The following ARHGAP10 variants were observed in gnomAD, a reference collection of about 807,000 sequenced individuals.
ARHGAP10 encodes the protein rho GTPase-activating protein 10.
In ARHGAP10, 87 loss-of-function variants were observed where a neutral mutation model predicts 108.6. The observed-to-expected ratio is 0.80, with a 90% confidence interval of 0.67 to 0.96. ARHGAP10 has a LOEUF of 0.96. Among genes scored for constraint, ARHGAP10 ranks in the 40% least tolerant of loss-of-function variants. ARHGAP10 has a pLI of 0.00. For synonymous variants in ARHGAP10, 347 were observed against 341.1 expected, an observed-to-expected ratio of 1.02 and a Z score of -0.19; for missense variants, 939 against 954.5, an observed-to-expected ratio of 0.98 and a Z score of 0.21.
At chr4:147,962,749 C>T (rs977031952) in intron 16 of ARHGAP10, among the ~76,000 whole-genome samples, 5 of 152,074 alleles carry the variant, frequency 3.3e-5, no homozygotes, top group Non-Finnish European at 5.9e-5. Flanking sequence ...CTGCAACCTC[C>T]GCCTCCTGGG....
rs141207224 is a variant in ARHGAP10 at position 147,822,921 on chromosome 4, T to G, written c.276T>G (p.Asn92Lys). Residue 92 changes from asparagine to lysine, a missense_variant, in exon 3 of 23, where the codon AAT becomes AAG. Asn to Lys is a moderately conservative substitution (Grantham distance 94). Coordinates refer to ENST00000336498, the MANE Select transcript of ARHGAP10 (RefSeq NM_024605.4). Reference sequence around the variant, plus strand: ...ATGCTTCCTTACGTGAATTTTCAAATTTTTTGAAGAATCTGGAGGAACAGA... The same window carrying G: ...ATGCTTCCTTACGTGAATTTTCAAAGTTTTTGAAGAATCTGGAGGAACAGA... ...CIDASLREFSNFLKNLEEQRE... is the reference protein window; with the variant it reads ...CIDASLREFSKFLKNLEEQRE... 6.2e-7 allele frequency: 1 copy of G among 1,613,996 alleles called. No homozygotes were observed.
chr4:148,009,540 A>G (rs1202186956), intron 18 of ARHGAP10, among the ~76,000 whole-genome samples: 5 of 152,218 alleles, frequency 3.3e-5, no homozygotes, highest in Admixed American at 3.3e-4. Context: ...TAATGTGTTA[A>G]CAATTTTAAA....
At chr4:148,055,426 C>T (rs768831690) in intron 20 of ARHGAP10, among the ~76,000 whole-genome samples, 15 of 152,206 alleles carry the variant, frequency 9.9e-5, no homozygotes, top group East Asian at 1.9e-4. Context: ...CGGTGGCATA[C>T]GCCTGTAATC....
intron 13 of ARHGAP10, chr4:147,916,690 C>T (rs1029589553): frequency 6.6e-6 from 1 of 152,118 alleles, no homozygotes; most frequent in African/African-American, 2.4e-5. Context: ...CGGGGTCCAT[C>T]GCTGATGTTA....
intron 19 of ARHGAP10, among the ~76,000 whole-genome samples, chr4:148,043,752 A>ATATG (rs1380143837): frequency 8.4e-5 from 12 of 142,666 alleles, no homozygotes; most frequent in East Asian, 2.0e-4. Context: ...ATATGTATAT[A>ATATG]TGTATATATA....
chr4:147,852,087 G>A (rs566608821), intron 4 of ARHGAP10, among the ~76,000 whole-genome samples: 44 of 152,254 alleles, frequency 2.9e-4, no homozygotes, highest in Non-Finnish European at 5.7e-4. Flanking sequence ...TTTGGGACCT[G>A]GTATCCATAG....
At chr4:147,815,525 A>T (rs1732206711) in intron 1 of ARHGAP10, among the ~76,000 whole-genome samples, 1 of 152,154 alleles carries the variant, frequency 6.6e-6, no homozygotes, top group Admixed American at 6.5e-5. Context: ...CATTGTAATC[A>T]CAGTGGTCCT....
intron 18 of ARHGAP10, among the ~76,000 whole-genome samples, chr4:147,969,933 C>A (rs1031970144): frequency 6.6e-6 from 1 of 152,036 alleles, no homozygotes; most frequent in Non-Finnish European, 1.5e-5. Context: ...CATCGAGTTT[C>A]AGATTCTTCA....
rs114694877 is a variant in ARHGAP10, at chr4:147,789,526, G to A, written c.155-33201G>A. On this transcript the variant is annotated intron_variant, in intron 1 of 22. Transcript: ENST00000336498. ...AGGCTGGTCTTGAACTCCTGGCCTC[G>A]GCCTCCCAAAGTGCTGATTACAGGC... is the stretch of plus-strand genomic sequence containing the variant. Among the ~76,000 whole-genome samples the A allele has an allele frequency of 8.6e-3, 1,311 of 152,164 alleles. 11 individuals carry two copies. Among genetic ancestry groups the A allele is most frequent in the African/African-American group, 0.026 (1,086 of 41,532 alleles).
Position 147,965,057 on chromosome 4 carries a change from T to C in ARHGAP10, c.1484T>C (p.Ile495Thr). ...SGSPESRVNA[I>T]HFLVHKLPEK... ...AGCCCAGAATCTCGTGTTAATGCGATCCATTTCTTGGTACACAAACTGCCA... is the reference window on the plus strand; with the variant it reads ...AGCCCAGAATCTCGTGTTAATGCGACCCATTTCTTGGTACACAAACTGCCA... Residue 495 changes from isoleucine to threonine, a missense_variant, in exon 17 of 23, where the codon ATC becomes ACC. Transcript: ENST00000336498. 1.2e-6 allele frequency: 2 copies of C among 1,605,478 alleles called. No homozygotes were observed. Among genetic ancestry groups the C allele is most frequent in the Non-Finnish European group, 1.7e-6 (2 of 1,175,776 alleles).
At chr4:147,886,606 CTTT>C (rs913691885) in intron 10 of ARHGAP10, among the ~76,000 whole-genome samples, 4 of 152,156 alleles carry the variant, frequency 2.6e-5, no homozygotes, top group African/African-American at 7.2e-5. Context: ...TTCTTTCCTT[CTTT>C]ATTTTGCTTG....
intron 1 of ARHGAP10, among the ~76,000 whole-genome samples, chr4:147,741,941 T>C (rs1012004838): frequency 1.3e-5 from 2 of 152,090 alleles, no homozygotes; most frequent in Admixed American, 6.6e-5. Flanking sequence ...AACTAGAATT[T>C]CCTCCCTGTG....
chr4:147,918,277 A>G (rs1332231997), intron 13 of ARHGAP10, among the ~76,000 whole-genome samples: 1 of 151,624 alleles, frequency 6.6e-6, no homozygotes, highest in Admixed American at 6.6e-5. Flanking sequence ...CTGGGACTAC[A>G]GGTGCCCGCC....
intron 3 of ARHGAP10, among the ~76,000 whole-genome samples, chr4:147,837,649 T>TTTTTTTG (rs1553955197): frequency 1.5e-5 from 2 of 132,132 alleles, no homozygotes; most frequent in Non-Finnish European, 3.3e-5. Flanking sequence ...CACTGTTTTT[T>TTTTTTTG]TTTTTTTTTT....
At chr4:147,815,693 C>T (rs1579076828) in intron 1 of ARHGAP10, among the ~76,000 whole-genome samples, 1 of 146,652 alleles carries the variant, frequency 6.8e-6, no homozygotes, top group South Asian at 2.2e-4. Flanking sequence ...CCCATCTCTA[C>T]AAAAAATAAA....
chr4:148,014,332 G>A (rs949864016), intron 18 of ARHGAP10, among the ~76,000 whole-genome samples: 9 of 152,150 alleles, frequency 5.9e-5, no homozygotes, highest in African/African-American at 1.2e-4. Flanking sequence ...TTCAGAAATC[G>A]TATGCTGTGT....
In ARHGAP10 at chr4:148,072,512, G is replaced by A. The variant is rs1730227275; in HGVS notation, c.*431G>A. 1 of 158,382 alleles carries A rather than the reference G, an allele frequency of 6.3e-6. No individual in the cohort carries two copies. Among genetic ancestry groups the A allele is most frequent in the African/African-American group, 2.4e-5 (1 of 41,696 alleles). The allele number at this position is 158,382 out of a possible 1,614,324, so 9.8% of individuals were successfully genotyped here. A position where few individuals can be genotyped will look rare whatever the true frequency, so the allele number is the denominator to read the frequency against. On this transcript the variant is annotated 3_prime_UTR_variant, in exon 23 of 23. Transcript: ENST00000336498. Reference sequence around the variant, plus strand: ...CTACTCGCAGTGATAGGTTTGCAGAGTGTGTGCTTGGCTGTGGCAGCCTAG... The same window carrying A: ...CTACTCGCAGTGATAGGTTTGCAGAATGTGTGCTTGGCTGTGGCAGCCTAG...
intron 19 of ARHGAP10, among the ~76,000 whole-genome samples, chr4:148,041,980 C>A (rs973032829): frequency 1.3e-5 from 2 of 152,184 alleles, no homozygotes; most frequent in African/African-American, 4.8e-5. Context: ...ACTCTCTGTG[C>A]GTGACTTTCA....
At chr4:147,810,701 G>A (rs1046562454) in intron 1 of ARHGAP10, among the ~76,000 whole-genome samples, 3 of 152,168 alleles carry the variant, frequency 2.0e-5, no homozygotes, top group African/African-American at 7.2e-5. Flanking sequence ...AGACCTCTCT[G>A]TAGTGCCTTA....
Sources: gnomAD v4.1 joint callset for allele counts (sites outside exome capture counted in the v4.1 genomes callset) on GRCh38, gnomAD v4.1.1 for gene constraint, MANE v1.5 for transcripts, NCBI Gene and HGNC (gene_info 2026-07-23, HGNC 2026-07-21) for gene names.